The following CEP85L variants were observed in gnomAD, a reference collection of about 807,000 sequenced individuals.
The protein encoded by CEP85L is centrosomal protein 85L.
In CEP85L, 60 loss-of-function variants were observed where a neutral mutation model predicts 100.3. The observed-to-expected ratio is 0.60, with a 90% CI of 0.49 to 0.74. The LOEUF (loss-of-function observed/expected upper bound fraction) is 0.74, where lower values mean the gene tolerates loss of function less well. Among genes scored for constraint, CEP85L ranks in the 30% least tolerant of loss-of-function variants. The pLI, the probability that CEP85L is intolerant of heterozygous loss-of-function variation, is 0.00. For missense variants in CEP85L, 973 were observed against 936.2 expected, an observed-to-expected ratio of 1.04 and a Z score of -0.51; for synonymous variants, 319 against 322.7, an observed-to-expected ratio of 0.99 and a Z score of 0.12.
rs778167326 is a variant in CEP85L, at chr6:118,668,613, A to G, written c.-27-15805T>C. ...GTTTATCCTTATGTACTTTCAGTCA[A>G]CTTTTACTAAAAGTACAAACACTAT... On this transcript the variant is annotated intron_variant, in intron 1 of 13. Transcript: ENST00000368488. 2.6e-5 allele frequency among the ~76,000 whole-genome samples: 4 copies of G among 152,216 alleles called. No individual in the cohort carries two copies. The South Asian group carries it at 6.2e-4, about 24-fold the overall frequency.
intron 1 of CEP85L, among the ~76,000 whole-genome samples, chr6:118,663,109 T>C (rs1776027536): frequency 6.6e-6 from 1 of 152,050 alleles, no homozygotes; most frequent in African/African-American, 2.4e-5. Context: ...ATTAAATAAT[T>C]AAGAAAATAA....
chr6:118,546,365 T>C (rs757201693), intron 3 of CEP85L, among the ~76,000 whole-genome samples: 1 of 152,186 alleles, frequency 6.6e-6, no homozygotes, highest in African/African-American at 2.4e-5. Context: ...CTAGGGCATA[T>C]TTTATTCTGT....
intron 3 of CEP85L, among the ~76,000 whole-genome samples, chr6:118,536,744 A>G (rs899655799): frequency 6.6e-6 from 1 of 152,204 alleles, no homozygotes; most frequent in African/African-American, 2.4e-5. Flanking sequence ...AATGAAGTTG[A>G]TAACAACCTA....
At chr6:118,469,340 A>G (rs766724962) in intron 11 of CEP85L, 37 bp from the exon 12 acceptor site, 29 of 1,522,512 alleles carry the variant, frequency 1.9e-5, no homozygotes, top group Non-Finnish European at 9.1e-7. Flanking sequence ...AGATTGTTAG[A>G]ACAGAGGAAA....
chr6:118,491,891 A>C, intron 5 of CEP85L, 26 bp from the exon 6 acceptor site: 2 of 1,539,662 alleles, frequency 1.3e-6, no homozygotes, highest in Non-Finnish European at 1.8e-6. Context: ...AAAAGGAGGT[A>C]AGACTTTAAA....
intron 2 of CEP85L, among the ~76,000 whole-genome samples, chr6:118,569,249 G>T (rs1023810660): frequency 1.3e-5 from 2 of 149,138 alleles, no homozygotes; most frequent in Non-Finnish European, 3.0e-5. Flanking sequence ...GGCTGTGGCA[G>T]GAGAATGGCT....
chr6:118,521,308 A>G (rs1168665449), intron 4 of CEP85L, among the ~76,000 whole-genome samples: 2 of 152,326 alleles, frequency 1.3e-5, no homozygotes, highest in Admixed American at 1.3e-4. Context: ...TAAGTACTAT[A>G]TATGTTATAG....
chr6:118,651,716 G>A (rs1447175429), upstream of CEP85L: 1 of 862,972 alleles, frequency 1.2e-6, no homozygotes, highest in Non-Finnish European at 1.4e-6. Flanking sequence ...GGGACTGCGG[G>A]GGGCGGGTGA....
chr6:118,674,236 A>C (rs1776408166), intron 1 of CEP85L, among the ~76,000 whole-genome samples: 1 of 152,236 alleles, frequency 6.6e-6, no homozygotes, highest in Non-Finnish European at 1.5e-5. Flanking sequence ...GTGAAGAGAA[A>C]ACCAGTGGGC....
chr6:118,645,653 CAG>C (rs1297497638), intron 1 of CEP85L, among the ~76,000 whole-genome samples: 3 of 152,178 alleles, frequency 2.0e-5, no homozygotes, highest in Admixed American at 1.3e-4. Context: ...GCCTGACTGA[CAG>C]AGTGAGACAC....
intron 2 of CEP85L, among the ~76,000 whole-genome samples, chr6:118,614,734 G>C (rs564252429): frequency 6.6e-6 from 1 of 152,124 alleles, no homozygotes. Context: ...CCAGCTACTC[G>C]GGAGGCTGAG....
chr6:118,558,875 T>C (rs1196877062), intron 3 of CEP85L: 8 of 1,515,506 alleles, frequency 5.3e-6, no homozygotes, highest in Non-Finnish European at 6.4e-6. Flanking sequence ...GCTTTTTATC[T>C]TTCTCTCGAC....
At chr6:118,674,278 C>A (rs1238268230) in intron 1 of CEP85L, among the ~76,000 whole-genome samples, 1 of 152,200 alleles carries the variant, frequency 6.6e-6, no homozygotes, top group Non-Finnish European at 1.5e-5. Flanking sequence ...GTAATCCCAG[C>A]ACTTTGGGAG....
intron 1 of CEP85L, among the ~76,000 whole-genome samples, chr6:118,686,422 A>G (rs1776835089): frequency 6.6e-6 from 1 of 152,058 alleles, no homozygotes; most frequent in Non-Finnish European, 1.5e-5. Flanking sequence ...TGCTTTCTCC[A>G]TATATAGATT....
chr6:118,539,303 G>A (rs1777773975), intron 3 of CEP85L, among the ~76,000 whole-genome samples: 1 of 152,108 alleles, frequency 6.6e-6, no homozygotes, highest in African/African-American at 2.4e-5. Flanking sequence ...GTAACACTGT[G>A]TTACAAATTG....
chr6:118,650,990 G>A (rs938934918), intron 1 of CEP85L, among the ~76,000 whole-genome samples: 1 of 152,146 alleles, frequency 6.6e-6, no homozygotes, highest in Non-Finnish European at 1.5e-5. Flanking sequence ...CGGGGACGAC[G>A]GGATGCGGGG....
intron 2 of CEP85L, among the ~76,000 whole-genome samples, chr6:118,567,255 A>ATG (rs1779602462): frequency 1.8e-5 from 1 of 54,850 alleles, no homozygotes; most frequent in South Asian, 5.0e-4. Flanking sequence ...GTGTGTATAT[A>ATG]TATATATATA....
At chr6:118,500,664 C>T (rs1033967965) in intron 5 of CEP85L, among the ~76,000 whole-genome samples, 5 of 152,150 alleles carry the variant, frequency 3.3e-5, no homozygotes, top group African/African-American at 1.2e-4. Context: ...CTTTTATTCC[C>T]ACGTTCACCC....
At chr6:118,538,902 A>C (rs1446565451) in intron 3 of CEP85L, among the ~76,000 whole-genome samples, 2 of 150,836 alleles carry the variant, frequency 1.3e-5, no homozygotes, top group Non-Finnish European at 2.9e-5. Context: ...CAAACCAGAC[A>C]ATAAAAATGG....
Sources: gnomAD v4.1 joint callset for allele counts (sites outside exome capture counted in the v4.1 genomes callset) on GRCh38, gnomAD v4.1.1 for gene constraint, MANE v1.5 for transcripts, NCBI Gene and HGNC (gene_info 2026-07-23, HGNC 2026-07-21) for gene names.